Variants in NLRP11 observed in about 807,000 individuals in gnomAD.
The protein encoded by NLRP11 is NACHT, LRR and PYD domains-containing protein 11.
In NLRP11, 53 loss-of-function variants were observed where a neutral mutation model predicts 79.3. That is an observed-to-expected ratio of 0.67 (90% CI 0.54 to 0.84). NLRP11 has a LOEUF of 0.84. Ranked by LOEUF, NLRP11 falls within the 40% of genes least tolerant of loss-of-function variation. NLRP11 has a pLI of 0.00. For missense variants in NLRP11, 1,264 were observed against 1,255.0 expected, an observed-to-expected ratio of 1.01 and a Z score of -0.11; for synonymous variants, 518 against 462.6, an observed-to-expected ratio of 1.12 and a Z score of -1.54.
chr19:55,789,309 C>T (rs1465490600), exon 8 of NLRP11: 2 of 1,614,152 alleles, frequency 1.2e-6, no homozygotes, highest in African/African-American at 2.7e-5. Context: ...TTTTGTTGCT[C>T]CCAATCTCCA....
exon 3 of NLRP11, chr19:55,808,930 C>T (rs369119219): frequency 8.1e-6 from 13 of 1,613,968 alleles, no homozygotes; most frequent in African/African-American, 8.0e-5. Flanking sequence ...CATCCACAAT[C>T]GTCTTCACAA....
intron 5 of NLRP11, 60 bp downstream of exon 5, chr19:55,801,512 C>G: frequency 7.2e-7 from 1 of 1,391,580 alleles, no homozygotes. Flanking sequence ...GCACCTCTAT[C>G]CACCAACACC....
intron 1 of NLRP11, among the ~76,000 whole-genome samples, chr19:55,828,595 C>G (rs192360856): frequency 2.0e-5 from 3 of 152,176 alleles, no homozygotes; most frequent in Non-Finnish European, 2.9e-5. Context: ...TATGGTATCA[C>G]AAATCCACAC....
rs116668181 is a variant in NLRP11, at chr19:55,796,266, A to G, written c.2172-16T>C. 2,110 of 1,604,036 alleles carry G rather than the reference A, an allele frequency of 1.3e-3. 23 individuals are homozygous for G. In the African/African-American group the frequency reaches 0.024, roughly 18 times the overall value. ...TTTCATCAAGCTGTAAGAGGAATTC[A>G]GAAATGAAAAGAGGCTCCCGCGTTT... On this transcript the variant is annotated splice_polypyrimidine_tract_variant and intron_variant, in intron 5 of 9. Coordinates refer to ENST00000589093, the Ensembl canonical transcript of NLRP11.
rs1265793055 is a variant in NLRP11 at position 55,809,864 on chromosome 19, C to T, written c.746G>A (p.Ser249Asn). The T allele has an allele frequency of 6.2e-7, 1 of 1,614,066 alleles. No individual in the cohort carries two copies. The highest frequency in any genetic ancestry group is 8.5e-7 in the Non-Finnish European group (1 of 1,180,042). The stretch of plus-strand genomic sequence containing the variant: ...AACTGGAATGGGAACTTTCTGGGTG[C>T]TGTTACTACACAAAGCACTTTCATT... The change falls in exon 3 of 10, where the codon AGC becomes AAC. Residue 249 changes from serine to asparagine, a missense_variant. Coordinates refer to ENST00000589093, the Ensembl canonical transcript of NLRP11. This position sits in a 1 kb window ranked among gnomAD's most constrained non-coding sequence, Gnocchi z 4.5.
At chr19:55,822,888 G>A (rs1981917196) in intron 1 of NLRP11, among the ~76,000 whole-genome samples, 1 of 152,250 alleles carries the variant, frequency 6.6e-6, no homozygotes, top group Non-Finnish European at 1.5e-5. Context: ...CAGCCAGGAA[G>A]CTGGAACTGG....
intron 6 of NLRP11, among the ~76,000 whole-genome samples, chr19:55,794,664 G>A (rs182589889): frequency 6.6e-6 from 1 of 152,268 alleles, no homozygotes; most frequent in African/African-American, 2.4e-5. Context: ...GGAGGCTGAG[G>A]CAGGAGAATG....
intron 5 of NLRP11, 77 bp from the exon 6 acceptor site, chr19:55,796,327 A>T: frequency 8.5e-7 from 1 of 1,170,746 alleles, no homozygotes. Context: ...AAAAAAAAAA[A>T]AGAGAGACCT....
At chr19:55,806,794 C>G (rs763382813) in intron 4 of NLRP11, among the ~76,000 whole-genome samples, 1 of 152,168 alleles carries the variant, frequency 6.6e-6, no homozygotes, top group Non-Finnish European at 1.5e-5. Context: ...CTCCGTAATA[C>G]CCTTCCTGCC....
intron 1 of NLRP11, among the ~76,000 whole-genome samples, chr19:55,823,167 C>T (rs538808045): frequency 1.8e-4 from 26 of 146,194 alleles, no homozygotes; most frequent in South Asian, 2.2e-4. Context: ...ACACCTCACA[C>T]GGCAGGGTAT....
chr19:55,835,507 C>T (rs1025564787), upstream of NLRP11, among the ~76,000 whole-genome samples: 4 of 150,186 alleles, frequency 2.7e-5, no homozygotes, highest in Non-Finnish European at 5.9e-5. Flanking sequence ...TCGAGACCAG[C>T]CTGGCCAACA....
At chr19:55,791,733 C>T (rs1157531182) in intron 7 of NLRP11, among the ~76,000 whole-genome samples, 1 of 151,986 alleles carries the variant, frequency 6.6e-6, no homozygotes, top group African/African-American at 2.4e-5. Context: ...TTTGATTATT[C>T]AGCATCATTG....
chr19:55,812,792 AC>A lies in NLRP11; in HGVS notation c.272-2455del, dbSNP rs1246866303. 1.1e-4 allele frequency among the ~76,000 whole-genome samples: 16 copies of A among 152,172 alleles called. No individual in the cohort carries two copies. In the South Asian group the frequency reaches 1.7e-3, roughly 16 times the overall value. ...TCAAGGACGTTTTTATTTTCTATAA[AC>A]TTAGTTCAAAACCTTAAGTTTATTC... On this transcript the variant is annotated intron_variant, in intron 2 of 9. Coordinates refer to ENST00000589093, the Ensembl canonical transcript of NLRP11.
chr19:55,835,566 GCA>G (rs1315332713), upstream of NLRP11, among the ~76,000 whole-genome samples: 2 of 150,282 alleles, frequency 1.3e-5, no homozygotes, highest in East Asian at 4.0e-4. Context: ...CCGAGGCCAG[GCA>G]CAGTGGCTCA....
chr19:55,809,195 G>T lies in NLRP11; in HGVS notation c.1415C>A (p.Pro472His). ...CTCTTTATACTCTCTGCTGCCTGAG[G>T]GGATCAGATAGTTGGGTACTGCCAT... Residue 472 changes from proline to histidine, a missense_variant, in exon 3 of 10, where the codon CCC (proline) becomes CAC (histidine). Transcript: ENST00000589093. The surrounding 1 kb of genome is among the most constrained non-coding windows in gnomAD (Gnocchi z 4.5). 1.2e-6 allele frequency: 2 copies of T among 1,613,666 alleles called. No individual in the cohort carries two copies. Among genetic ancestry groups the T allele is most frequent in the Non-Finnish European group, 1.7e-6 (2 of 1,179,616 alleles).
At position 55,817,890 on chromosome 19, in the gene NLRP11, G is replaced by A. The variant is rs140915331; in HGVS notation, c.271+14C>T. The A allele has an allele frequency of 1.3e-4, 211 of 1,579,212 alleles. 1 individual carries two copies. The highest frequency in any genetic ancestry group is 9.2e-4 in the East Asian group (40 of 43,536). ...GCCCTGATTTCTGCCCACCCTTCTC[G>A]TGACCCCACTCACGGTTTCGTCTGC... is the stretch of plus-strand genomic sequence containing the variant. On this transcript the variant is annotated intron_variant, in intron 2 of 9. Coordinates refer to ENST00000589093, the Ensembl canonical transcript of NLRP11.
At chr19:55,820,177 C>T (rs1981546979) in intron 1 of NLRP11, among the ~76,000 whole-genome samples, 1 of 152,112 alleles carries the variant, frequency 6.6e-6, no homozygotes, top group South Asian at 2.1e-4. Flanking sequence ...GTTTCCCTCT[C>T]CTCCCCTAAA....
chr19:55,822,530 C>T (rs1357358643), intron 1 of NLRP11, among the ~76,000 whole-genome samples: 2 of 151,922 alleles, frequency 1.3e-5, no homozygotes, highest in African/African-American at 4.8e-5. Context: ...GAGTGCCAGA[C>T]AGTGGGCGCA....
rs115847229 is a variant in NLRP11, at chr19:55,785,668, G to A, written c.3059C>T (p.Ala1020Val). ...TGCTGTATTTGACGTTCTCATGGCTGCAGACATTCTGGGAAATTTGAAAAA... is the reference window on the plus strand; with the variant it reads ...TGCTGTATTTGACGTTCTCATGGCTACAGACATTCTGGGAAATTTGAAAAA... The change falls in exon 10 of 10, where the codon GCA (alanine) becomes GTA (valine). Residue 1020 changes from alanine (A) to valine (V), a missense_variant. Transcript: ENST00000589093. The A allele has an allele frequency of 1.4e-3, 2,322 of 1,613,852 alleles. 32 individuals are homozygous for A. In the African/African-American group the frequency reaches 0.028, roughly 19 times the overall value.
Sources: gnomAD v4.1 joint callset for allele counts (sites outside exome capture counted in the v4.1 genomes callset) on GRCh38, gnomAD v4.1.1 for gene constraint, Gnocchi (gnomAD v3.1) non-coding constraint, MANE v1.5 for transcripts, NCBI Gene and HGNC (gene_info 2026-07-23, HGNC 2026-07-21) for gene names.